PUM1: variants seen among roughly 807,000 people sequenced by gnomAD.
PUM1 encodes the protein pumilio homolog 1.
PUM1 carries 13 observed loss-of-function variants against 131.8 expected under a neutral mutation model. That is an observed-to-expected ratio of 0.10 (90% CI 0.06 to 0.16). The LOEUF (loss-of-function observed/expected upper bound fraction) is 0.16, where lower values mean the gene tolerates loss of function less well. PUM1 is among the 10% of genes least tolerant of loss of function. PUM1 has a pLI of 1.00. For synonymous variants in PUM1, 509 were observed against 556.5 expected (o/e 0.91, Z 1.20); for missense variants, 961 against 1,512.4 (o/e 0.64, Z 6.05).
chr1:30,956,938 C>T (rs6696300), intron 14 of PUM1, among the ~76,000 whole-genome samples: 42,508 of 151,036 alleles, frequency 0.28, 6,383 homozygotes, highest in Non-Finnish European at 0.33. Flanking sequence ...TTATTATGGG[C>T]AAAAACATAA....
intron 2 of PUM1, among the ~76,000 whole-genome samples, chr1:31,043,785 A>T (rs1643893853): frequency 6.6e-6 from 1 of 152,216 alleles, no homozygotes; most frequent in African/African-American, 2.4e-5. Flanking sequence ...GAGAAAAGAA[A>T]GTAGTCATTA....
chr1:31,015,355 T>A (rs1642773840), intron 3 of PUM1, among the ~76,000 whole-genome samples: 1 of 152,180 alleles, frequency 6.6e-6, no homozygotes, highest in African/African-American at 2.4e-5. Flanking sequence ...TTCTTTTTTT[T>A]TTTTGAGACG....
intron 1 of PUM1, among the ~76,000 whole-genome samples, chr1:31,060,660 T>C (rs1002067533): frequency 6.6e-6 from 1 of 151,816 alleles, no homozygotes. Flanking sequence ...CCAAGGCAGG[T>C]GTATCACTTG....
At chr1:31,019,105 C>T (rs143964486) in intron 3 of PUM1, among the ~76,000 whole-genome samples, 1,722 of 152,242 alleles carry the variant, frequency 0.011, 20 homozygotes, top group Admixed American at 0.018. Context: ...GTAATCCTAG[C>T]TCTTTGGGAG....
At chr1:30,940,094 C>A (rs1356211681) in intron 20 of PUM1, among the ~76,000 whole-genome samples, 1 of 152,170 alleles carries the variant, frequency 6.6e-6, no homozygotes, top group African/African-American at 2.4e-5. Context: ...CCTGATAGGG[C>A]TAGGCTATGG....
intron 1 of PUM1, among the ~76,000 whole-genome samples, chr1:31,064,271 A>C (rs1270728694): frequency 6.6e-6 from 1 of 152,222 alleles, no homozygotes; most frequent in Non-Finnish European, 1.5e-5. Context: ...AAACTAAACA[A>C]ATTCCAACTT....
At chr1:31,002,223 C>T (rs1422533763) in intron 5 of PUM1, among the ~76,000 whole-genome samples, 1 of 152,126 alleles carries the variant, frequency 6.6e-6, no homozygotes, top group Non-Finnish European at 1.5e-5. Context: ...CACTGGTTAC[C>T]TAAAGTAAAT....
rs892301853 is a variant in PUM1, at chr1:31,014,493, T to TA, written c.433-7392dup. On this transcript the variant is annotated intron_variant, in intron 3 of 21. Transcript: ENST00000426105. ...AATCTCTATTTTTAAACATTAAAAT[T>TA]AAAAAAAAAAGAATTAAAAAAGTTG... Among the ~76,000 whole-genome samples the TA allele has an allele frequency of 4.1e-4, 60 of 145,562 alleles. 1 individual carries two copies. The highest frequency in any genetic ancestry group is 7.6e-4 in the African/African-American group (30 of 39,500).
At chr1:31,059,641 A>T (rs1335114127) in intron 1 of PUM1, 64 bp from the exon 2 acceptor site, 1 of 1,499,952 alleles carries the variant, frequency 6.7e-7, no homozygotes, top group Admixed American at 2.2e-5. Context: ...ACACACTAAG[A>T]TAAAAACATG....
chr1:31,010,334 CT>C, intron 3 of PUM1, among the ~76,000 whole-genome samples: 1 of 152,322 alleles, frequency 6.6e-6, no homozygotes, highest in Middle Eastern at 3.4e-3. Context: ...TCCCCTTCCC[CT>C]GACTGTGGGC....
chr1:30,941,475 T>C (rs1334381857), intron 19 of PUM1, among the ~76,000 whole-genome samples: 3 of 152,198 alleles, frequency 2.0e-5, no homozygotes, highest in Non-Finnish European at 4.4e-5. Flanking sequence ...TACTAGACAA[T>C]AGAATATACA....
intron 1 of PUM1, among the ~76,000 whole-genome samples, chr1:31,061,069 A>G (rs1291294471): frequency 6.6e-6 from 1 of 152,168 alleles, no homozygotes; most frequent in East Asian, 1.9e-4. Context: ...AGTAACTTAC[A>G]ACTATTAACT....
intron 5 of PUM1, among the ~76,000 whole-genome samples, chr1:31,003,769 C>T (rs1237656444): frequency 1.3e-5 from 2 of 151,928 alleles, no homozygotes; most frequent in East Asian, 1.9e-4. Flanking sequence ...ATAATAATAA[C>T]AATAATAATC....
At chr1:30,940,110 C>T (rs1639383204) in intron 20 of PUM1, among the ~76,000 whole-genome samples, 1 of 152,160 alleles carries the variant, frequency 6.6e-6, no homozygotes, top group African/African-American at 2.4e-5. Flanking sequence ...TATGGAGACA[C>T]TGGATCTACA....
chr1:30,977,139 T>C (rs1283727564), intron 9 of PUM1, among the ~76,000 whole-genome samples: 1 of 152,224 alleles, frequency 6.6e-6, no homozygotes, highest in Non-Finnish European at 1.5e-5. Context: ...CTTATACACA[T>C]AGCCTGGGGG....
At chr1:31,018,590 G>A (rs1031744105) in intron 3 of PUM1, among the ~76,000 whole-genome samples, 3 of 152,130 alleles carry the variant, frequency 2.0e-5, no homozygotes, top group African/African-American at 4.8e-5. Flanking sequence ...CCTAGGAGGC[G>A]GAGGTTGCAG....
At chr1:30,998,634 AAGGAT>A (rs1557577916) in intron 5 of PUM1, among the ~76,000 whole-genome samples, 1 of 152,192 alleles carries the variant, frequency 6.6e-6, no homozygotes, top group African/African-American at 2.4e-5. Context: ...AGATAAAATA[AAGGAT>A]ACGAAAAGAA....
intron 3 of PUM1, among the ~76,000 whole-genome samples, 196 bp downstream of exon 3, chr1:31,028,600 A>C (rs1376606842): frequency 6.6e-6 from 1 of 152,254 alleles, no homozygotes; most frequent in African/African-American, 2.4e-5. Context: ...TTAAGACATT[A>C]GGTTATGGTT....
Position 31,054,105 on chromosome 1 carries a change from A to T in PUM1, c.363+5099T>A. ...CAAGACTTTATTTCAAAAAAAAAAAAAAAAAAAAAAAAAAAGGAGTTTGAG... is the reference window on the plus strand; with the variant it reads ...CAAGACTTTATTTCAAAAAAAAAAATAAAAAAAAAAAAAAAGGAGTTTGAG... On this transcript the variant is annotated intron_variant, in intron 2 of 21. Coordinates refer to ENST00000426105, the MANE Select transcript of PUM1 (RefSeq NM_001020658.2). Among the ~76,000 whole-genome samples the T allele has an allele frequency of 1.3e-5, 2 of 148,720 alleles. 1 individual carries two copies. Among genetic ancestry groups the T allele is most frequent in the Non-Finnish European group, 3.0e-5 (2 of 67,046 alleles).
Sources: gnomAD v4.1 joint callset for allele counts (sites outside exome capture counted in the v4.1 genomes callset) on GRCh38, gnomAD v4.1.1 for gene constraint, MANE v1.5 for transcripts, NCBI Gene and HGNC (gene_info 2026-07-23, HGNC 2026-07-21) for gene names.